Variants in MAPKAP1 observed in about 807,000 individuals in gnomAD.
MAPKAP1 encodes the protein target of rapamycin complex 2 subunit MAPKAP1.
MAPKAP1 carries 20 observed loss-of-function variants against 65.7 expected under a neutral mutation model. That is an observed-to-expected ratio of 0.30 (90% confidence interval 0.21 to 0.44). The LOEUF is 0.44. MAPKAP1 is among the 20% of genes least tolerant of loss of function. MAPKAP1 has a pLI of 1.00. For missense variants in MAPKAP1, 423 were observed against 648.0 expected (o/e 0.65, Z 3.77); for synonymous variants, 222 against 244.3 (o/e 0.91, Z 0.85).
At chr9:125,680,775 G>T (rs138643906) in intron 1 of MAPKAP1, among the ~76,000 whole-genome samples, 1 of 152,158 alleles carries the variant, frequency 6.6e-6, no homozygotes, top group African/African-American at 2.4e-5. Flanking sequence ...CTTCAGCAGA[G>T]GAGCTGTGTC....
chr9:125,626,255 C>A (rs1392113912), intron 4 of MAPKAP1, among the ~76,000 whole-genome samples: 1 of 152,220 alleles, frequency 6.6e-6, no homozygotes, highest in Non-Finnish European at 1.5e-5. Flanking sequence ...CTCACCTGTT[C>A]CAGGCTCTCT....
intron 7 of MAPKAP1, among the ~76,000 whole-genome samples, chr9:125,542,727 T>A (rs1237179496): frequency 6.6e-6 from 1 of 152,230 alleles, no homozygotes; most frequent in Non-Finnish European, 1.5e-5. Context: ...ATAGCAGTGA[T>A]TCAAGTTTAG....
chr9:125,446,670 G>A (rs887021308), intron 10 of MAPKAP1, among the ~76,000 whole-genome samples: 3 of 152,094 alleles, frequency 2.0e-5, no homozygotes, highest in East Asian at 1.9e-4. Flanking sequence ...AACTGGTCAC[G>A]ACACACAAAG....
In MAPKAP1 at chr9:125,706,964, C is replaced by A. The variant is rs1835783440; in HGVS notation, c.-70+7G>T. ...GGCGGGGAGCTGGCGGCTGGGGCAA[C>A]CTTTACCTGAAGCTGCTTCCACACT... is the stretch of plus-strand genomic sequence containing the variant. On this transcript the variant is annotated splice_region_variant and intron_variant, in intron 1 of 11. Transcript: ENST00000265960. The A allele has an allele frequency of 7.6e-6, 3 of 394,462 alleles. No homozygotes were observed. The highest frequency in any genetic ancestry group is 7.2e-5 in the East Asian group (2 of 27,902). 24.4% of individuals were successfully genotyped at this position (394,462 alleles called of 1,614,324 possible).
chr9:125,485,727 A>G (rs1380515285), intron 8 of MAPKAP1, among the ~76,000 whole-genome samples: 1 of 151,938 alleles, frequency 6.6e-6, no homozygotes, highest in Non-Finnish European at 1.5e-5. Context: ...ATCTTTTCTG[A>G]TGGTTCTTCT....
At chr9:125,533,528 C>T (rs1829991869) in intron 7 of MAPKAP1, among the ~76,000 whole-genome samples, 1 of 152,072 alleles carries the variant, frequency 6.6e-6, no homozygotes, top group African/African-American at 2.4e-5. Flanking sequence ...TGGCTTACTG[C>T]AATCTCTGCT....
chr9:125,518,987 G>A (rs141035775), intron 7 of MAPKAP1, among the ~76,000 whole-genome samples: 12 of 152,296 alleles, frequency 7.9e-5, no homozygotes, highest in Admixed American at 3.9e-4. Context: ...GTTTTTGACA[G>A]TAGATCATTA....
chr9:125,701,764 T>C (rs1835605772), intron 1 of MAPKAP1, among the ~76,000 whole-genome samples: 1 of 152,220 alleles, frequency 6.6e-6, no homozygotes. Context: ...AGAAATCTGG[T>C]AGCATTTAAA....
intron 6 of MAPKAP1, chr9:125,559,177 A>G (rs1830820577): frequency 2.0e-5 from 3 of 152,988 alleles, no homozygotes; most frequent in Non-Finnish European, 4.4e-5. Flanking sequence ...AGGCACAAAA[A>G]AAAAGCTGAA....
intron 7 of MAPKAP1, among the ~76,000 whole-genome samples, chr9:125,529,177 G>GAA (rs764136309): frequency 2.5e-4 from 25 of 99,736 alleles, no homozygotes; most frequent in African/African-American, 8.9e-4. Flanking sequence ...TCTATCTCAG[G>GAA]AAAAAAAAAA....
chr9:125,540,588 A>G (rs193105644), intron 7 of MAPKAP1, among the ~76,000 whole-genome samples: 2 of 152,322 alleles, frequency 1.3e-5, no homozygotes. Flanking sequence ...AATCAGGTAA[A>G]AGGGGTTTGA....
intron 11 of MAPKAP1, among the ~76,000 whole-genome samples, chr9:125,440,225 G>GA (rs1852430009): frequency 6.6e-6 from 1 of 152,208 alleles, no homozygotes; most frequent in Non-Finnish European, 1.5e-5. Flanking sequence ...AGCGCTCATG[G>GA]AATCTTCACA....
At chr9:125,552,190 T>C (rs976746181) in intron 6 of MAPKAP1, among the ~76,000 whole-genome samples, 3 of 152,214 alleles carry the variant, frequency 2.0e-5, no homozygotes, top group African/African-American at 7.2e-5. Context: ...GGAATCCACT[T>C]GAAGATTTGT....
intron 4 of MAPKAP1, among the ~76,000 whole-genome samples, chr9:125,619,831 A>T (rs73667026): frequency 0.026 from 4,024 of 152,134 alleles, 178 homozygotes; most frequent in African/African-American, 0.092. Flanking sequence ...AAACAAAAAA[A>T]CTCCATGAAC....
Position 125,544,200 on chromosome 9 carries a change from G to A in MAPKAP1, c.849-1032C>T, listed in dbSNP as rs187336753. Among the ~76,000 whole-genome samples the A allele has an allele frequency of 1.6e-4, 24 of 151,984 alleles. No homozygotes were observed. In the East Asian group the frequency reaches 4.5e-3, roughly 28 times the overall value. On this transcript the variant is annotated intron_variant, in intron 6 of 11. Coordinates refer to ENST00000265960, the MANE Select transcript of MAPKAP1 (RefSeq NM_001006617.3). ...TAATTTTTGTAGTTTTAGTAGAGAT[G>A]GGTTTCACCATCTTGGCCAGGCTGG...
At chr9:125,531,021 A>G (rs1167940033) in intron 7 of MAPKAP1, among the ~76,000 whole-genome samples, 1 of 152,222 alleles carries the variant, frequency 6.6e-6, no homozygotes, top group Admixed American at 6.5e-5. Context: ...TGAGGTCAGA[A>G]GGGGCTGATG....
chr9:125,614,349 C>T (rs184200753), intron 4 of MAPKAP1, among the ~76,000 whole-genome samples: 4 of 152,256 alleles, frequency 2.6e-5, no homozygotes, highest in East Asian at 3.9e-4. Context: ...TAAAGCTAGG[C>T]GTGATGGCTC....
intron 1 of MAPKAP1, among the ~76,000 whole-genome samples, chr9:125,674,116 G>A (rs1426642874): frequency 1.3e-5 from 2 of 152,022 alleles, no homozygotes; most frequent in Admixed American, 1.3e-4. Flanking sequence ...CCTATTACTC[G>A]TTAGCTATAA....
chr9:125,614,334 C>A (rs574027822), intron 4 of MAPKAP1, among the ~76,000 whole-genome samples: 20 of 152,236 alleles, frequency 1.3e-4, no homozygotes, highest in African/African-American at 4.8e-4. Flanking sequence ...ATATAATAAT[C>A]ATATTAAAGC....
Sources: gnomAD v4.1 joint callset for allele counts (sites outside exome capture counted in the v4.1 genomes callset) on GRCh38, gnomAD v4.1.1 for gene constraint, MANE v1.5 for transcripts, NCBI Gene and HGNC (gene_info 2026-07-23, HGNC 2026-07-21) for gene names.